The following PDE7B variants were observed in gnomAD, a reference collection of about 807,000 sequenced individuals.
PDE7B encodes the protein 3',5'-cyclic-AMP phosphodiesterase 7B.
PDE7B carries 29 observed loss-of-function variants against 56.2 expected under a neutral mutation model. The observed-to-expected ratio is 0.52, with a 90% CI of 0.38 to 0.70. The LOEUF (loss-of-function observed/expected upper bound fraction) is 0.70, where lower values mean the gene tolerates loss of function less well. PDE7B is among the 30% of genes least tolerant of loss of function. The pLI, the probability that PDE7B is intolerant of heterozygous loss-of-function variation, is 0.00. For missense variants in PDE7B, 490 were observed against 565.0 expected (o/e 0.87, Z 1.35); for synonymous variants, 197 against 196.9 (o/e 1.00, Z 0.00).
intron 2 of PDE7B, among the ~76,000 whole-genome samples, chr6:135,960,502 C>A (rs1020232371): frequency 6.6e-6 from 1 of 152,194 alleles, no homozygotes; most frequent in Non-Finnish European, 1.5e-5. Flanking sequence ...TGTGCCTCAA[C>A]AATTGAAATG....
At position 136,063,232 on chromosome 6, in the gene PDE7B, G is replaced by A. The variant is rs59451926; in HGVS notation, c.83-45499G>A. Among the ~76,000 whole-genome samples the A allele has an allele frequency of 2.7e-3, 415 of 152,328 alleles. 6 individuals are homozygous for A. The highest frequency in any genetic ancestry group is 4.2e-3 in the Non-Finnish European group (287 of 68,032). ...TTGCAAAATTGTAGGCAGTGACCTG[G>A]AAGAGCATGTGGAGTTACTTTAATG... On this transcript the variant is annotated intron_variant, in intron 2 of 12. Transcript: ENST00000308191.
chr6:135,857,023 T>TCCC (rs879803784), intron 1 of PDE7B, among the ~76,000 whole-genome samples: 3,442 of 110,944 alleles, frequency 0.031, 124 homozygotes, highest in East Asian at 0.1. Context: ...CTTACTCCTT[T>TCCC]TCCTCCCTCC....
chr6:136,015,940 G>C (rs1775970204), intron 2 of PDE7B, among the ~76,000 whole-genome samples: 1 of 152,092 alleles, frequency 6.6e-6, no homozygotes, highest in Non-Finnish European at 1.5e-5. Context: ...AGAATAAAAT[G>C]AATTTGATAT....
intron 2 of PDE7B, among the ~76,000 whole-genome samples, chr6:136,074,261 G>T (rs953207702): frequency 4.0e-5 from 6 of 151,174 alleles, no homozygotes; most frequent in Non-Finnish European, 8.8e-5. Context: ...GGGATTTGGG[G>T]TTTTTTTGTT....
chr6:135,857,258 C>G (rs561627591), intron 1 of PDE7B, among the ~76,000 whole-genome samples: 1 of 151,784 alleles, frequency 6.6e-6, no homozygotes, highest in South Asian at 2.1e-4. Flanking sequence ...CATTAAATTT[C>G]CTGCTGATAT....
At chr6:136,032,781 T>C (rs1022639548) in intron 2 of PDE7B, among the ~76,000 whole-genome samples, 2 of 152,224 alleles carry the variant, frequency 1.3e-5, no homozygotes, top group African/African-American at 4.8e-5. Context: ...ATATTAAATT[T>C]TTATAGCACA....
At chr6:135,999,068 G>C (rs775125317) in intron 2 of PDE7B, among the ~76,000 whole-genome samples, 1 of 152,158 alleles carries the variant, frequency 6.6e-6, no homozygotes, top group African/African-American at 2.4e-5. Flanking sequence ...TAGGCAAAGA[G>C]AGAAGAAATG....
rs76619360 is a variant in PDE7B at position 136,042,274 on chromosome 6, A to T, written c.83-66457A>T. The stretch of plus-strand genomic sequence containing the variant: ...GGATGAGGATAGAAAATAATTAAGT[A>T]GCTTCTCAGATGCTGTGAGGACAAA... On this transcript the variant is annotated intron_variant, in intron 2 of 12. Coordinates refer to ENST00000308191, the MANE Select transcript of PDE7B (RefSeq NM_018945.4). 3.0e-4 allele frequency among the ~76,000 whole-genome samples: 45 copies of T among 152,360 alleles called. No individual in the cohort carries two copies. In the East Asian group the frequency reaches 7.5e-3, roughly 25 times the overall value.
At chr6:135,957,109 T>G (rs1002784451) in intron 2 of PDE7B, among the ~76,000 whole-genome samples, 1 of 151,968 alleles carries the variant, frequency 6.6e-6, no homozygotes, top group African/African-American at 2.4e-5. Context: ...GAGAAGATGG[T>G]CCCCGTGGGC....
intron 1 of PDE7B, among the ~76,000 whole-genome samples, chr6:135,885,382 A>T (rs1775688452): frequency 6.6e-6 from 1 of 151,172 alleles, no homozygotes; most frequent in Non-Finnish European, 1.5e-5. Flanking sequence ...CTGCATCTGC[A>T]TAATGGTGTG....
At chr6:136,122,730 A>C (rs887949240) in intron 3 of PDE7B, among the ~76,000 whole-genome samples, 2 of 152,166 alleles carry the variant, frequency 1.3e-5, no homozygotes, top group Non-Finnish European at 2.9e-5. Context: ...AAATGTGTAG[A>C]TTCTGTAAAT....
chr6:135,939,399 A>C (rs1583784462), intron 1 of PDE7B, among the ~76,000 whole-genome samples: 1 of 152,216 alleles, frequency 6.6e-6, no homozygotes, highest in African/African-American at 2.4e-5. Context: ...GGAGATCTGC[A>C]CTGACAGATT....
chr6:136,051,089 A>G (rs564575549), intron 2 of PDE7B, among the ~76,000 whole-genome samples: 1 of 151,226 alleles, frequency 6.6e-6, no homozygotes, highest in East Asian at 1.9e-4. Context: ...ACCATTGCAG[A>G]AATTTTTTTT....
At chr6:136,129,706 G>A (rs1279769759) in intron 3 of PDE7B, among the ~76,000 whole-genome samples, 1 of 152,250 alleles carries the variant, frequency 6.6e-6, no homozygotes, top group Non-Finnish European at 1.5e-5. Flanking sequence ...AGGGTGAGCT[G>A]TTGAGACAAT....
intron 2 of PDE7B, among the ~76,000 whole-genome samples, chr6:135,974,845 T>C (rs1775155634): frequency 1.3e-5 from 2 of 152,208 alleles, no homozygotes; most frequent in Admixed American, 6.5e-5. Context: ...TCTGTCAGCA[T>C]GTCAAGTGCT....
intron 3 of PDE7B, among the ~76,000 whole-genome samples, chr6:136,120,155 G>A (rs1333724254): frequency 6.6e-6 from 1 of 152,156 alleles, no homozygotes; most frequent in African/African-American, 2.4e-5. Flanking sequence ...TTTAAGAAGG[G>A]CATAGGACAC....
At chr6:136,120,456 C>G (rs1233618275) in intron 3 of PDE7B, among the ~76,000 whole-genome samples, 2 of 151,886 alleles carry the variant, frequency 1.3e-5, no homozygotes, top group Non-Finnish European at 2.9e-5. Flanking sequence ...TGGAATAGAC[C>G]AGAAAAATCA....
intron 2 of PDE7B, chr6:136,038,674 T>C (rs145039182): frequency 1.3e-4 from 67 of 502,298 alleles, no homozygotes; most frequent in African/African-American, 1.2e-3. Flanking sequence ...TGCTGTATGA[T>C]AGAAATGCAT....
intron 11 of PDE7B, among the ~76,000 whole-genome samples, chr6:136,183,494 G>A (rs1228113222): frequency 6.7e-6 from 1 of 150,296 alleles, no homozygotes; most frequent in Non-Finnish European, 1.5e-5. Context: ...TACTTGGGAG[G>A]CTGAGGCAGG....
Sources: gnomAD v4.1 joint callset for allele counts (sites outside exome capture counted in the v4.1 genomes callset) on GRCh38, gnomAD v4.1.1 for gene constraint, MANE v1.5 for transcripts, NCBI Gene and HGNC (gene_info 2026-07-23, HGNC 2026-07-21) for gene names.